Variants in WBP2NL observed in about 807,000 individuals in gnomAD.
The protein encoded by WBP2NL is postacrosomal sheath WW domain-binding protein.
A neutral mutation model predicts 23.3 loss-of-function variants in WBP2NL; 27 were observed. The ratio of observed to expected loss-of-function variants is 1.16; its 90% confidence interval spans 0.85 to 1.60. The LOEUF is 1.60. WBP2NL is among the 40% of genes most tolerant of loss of function. The pLI is 0.00. For missense variants in WBP2NL, 370 were observed against 389.5 expected, an observed-to-expected ratio of 0.95 and a Z score of 0.42; for synonymous variants, 151 against 145.9, an observed-to-expected ratio of 1.03 and a Z score of -0.25.
chr22:41,999,575 A>G (rs1436995577), intron 1 of WBP2NL, among the ~76,000 whole-genome samples: 2 of 152,144 alleles, frequency 1.3e-5, no homozygotes, highest in East Asian at 1.9e-4. Flanking sequence ...TTGAGACAAG[A>G]CTGGGCAACA....
rs746353007 is a variant in WBP2NL, at chr22:42,019,686, A to T, written c.196A>T (p.Ile66Phe). 1 of 1,614,080 alleles carries T rather than the reference A, an allele frequency of 6.2e-7. No individual in the cohort carries two copies. Among genetic ancestry groups the T allele is most frequent in the East Asian group, 2.2e-5 (1 of 44,896 alleles). Residue 66 changes from isoleucine (I) to phenylalanine (F), a missense_variant, in exon 3 of 6, where the codon ATC (isoleucine) becomes TTC (phenylalanine). Physicochemically the swap from Ile to Phe is conservative, Grantham distance 21. Coordinates refer to ENST00000328823, the MANE Select transcript of WBP2NL (RefSeq NM_152613.3). ...YRVIFITSCS[I>F]SDPMLSFMMP... The stretch of plus-strand genomic sequence containing the variant: ...GGTGATTTTCATAACTTCATGCTCC[A>T]TCAGTGATCCCATGTTGTCTTTTAT...
chr22:42,012,646 C>G (rs115172371), intron 1 of WBP2NL, among the ~76,000 whole-genome samples: 2 of 152,058 alleles, frequency 1.3e-5, no homozygotes, highest in African/African-American at 4.8e-5. Context: ...CTTAATTTCT[C>G]TTTAATTTTT....
chr22:42,025,820 A>T (rs937431160), intron 5 of WBP2NL, among the ~76,000 whole-genome samples: 60 of 152,370 alleles, frequency 3.9e-4, no homozygotes, highest in African/African-American at 1.4e-3. Flanking sequence ...GGTAATAAGT[A>T]AAACTCATGT....
downstream of WBP2NL, chr22:42,032,725 A>G (rs143367905): frequency 3.4e-5 from 16 of 469,500 alleles, no homozygotes; most frequent in East Asian, 9.8e-4. Context: ...TGGGGCAGAC[A>G]ACCATGGACT....
At chr22:42,049,856 A>T (rs1216811561) in intron 8 of WBP2NL, among the ~76,000 whole-genome samples, 1 of 151,992 alleles carries the variant, frequency 6.6e-6, no homozygotes, top group Non-Finnish European at 1.5e-5. Context: ...ACATGCCTAT[A>T]ATCCCAGCTA....
chr22:42,017,267 C>T (rs1306294958), intron 1 of WBP2NL, among the ~76,000 whole-genome samples: 1 of 152,190 alleles, frequency 6.6e-6, no homozygotes, highest in East Asian at 1.9e-4. Context: ...AGGCATGTAC[C>T]ACCATGCCTG....
At chr22:42,018,444 T>A (rs551882052) in intron 1 of WBP2NL, among the ~76,000 whole-genome samples, 20 of 109,802 alleles carry the variant, frequency 1.8e-4, no homozygotes, top group East Asian at 5.1e-4. Context: ...AAGAAAGAAG[T>A]GAGGGAAGGA....
chr22:42,029,424 T>G (rs1208687754), downstream of WBP2NL, among the ~76,000 whole-genome samples: 2 of 151,562 alleles, frequency 1.3e-5, no homozygotes, highest in African/African-American at 4.9e-5. Flanking sequence ...CAGGCTGGAG[T>G]GCAGTGGCAC....
At chr22:42,010,949 G>A (rs1312490437) in intron 1 of WBP2NL, among the ~76,000 whole-genome samples, 1 of 152,116 alleles carries the variant, frequency 6.6e-6, no homozygotes, top group African/African-American at 2.4e-5. Context: ...ATTTTCCTAT[G>A]CTGAACCATC....
chr22:42,011,795 CAG>C (rs2098023342), intron 1 of WBP2NL, among the ~76,000 whole-genome samples: 2 of 151,536 alleles, frequency 1.3e-5, no homozygotes. Context: ...GTTTTGGAGA[CAG>C]AGTCTTACTC....
chr22:42,014,388 G>C (rs1923118488), intron 1 of WBP2NL, among the ~76,000 whole-genome samples: 1 of 152,008 alleles, frequency 6.6e-6, no homozygotes, highest in South Asian at 2.1e-4. Context: ...ACCATGCTTG[G>C]CTAATTTTTT....
At chr22:42,042,544 C>A (rs1048690186) in intron 8 of WBP2NL, among the ~76,000 whole-genome samples, 1 of 152,078 alleles carries the variant, frequency 6.6e-6, no homozygotes, top group African/African-American at 2.4e-5. Context: ...TCATTTCATT[C>A]TTGTATTCTT....
chr22:42,040,289 C>A (rs1401383143), intron 8 of WBP2NL, among the ~76,000 whole-genome samples: 1 of 150,922 alleles, frequency 6.6e-6, no homozygotes, highest in Non-Finnish European at 1.5e-5. Context: ...ATGGTGCGAT[C>A]TCAGCTCACT....
chr22:42,057,749 G>A (rs1445789785), intron 8 of WBP2NL, among the ~76,000 whole-genome samples: 1 of 147,716 alleles, frequency 6.8e-6, no homozygotes, highest in Non-Finnish European at 1.5e-5. Flanking sequence ...TGAGACAACT[G>A]GCAAAAACTG....
intron 1 of WBP2NL, 40 bp from the exon 2 acceptor site, chr22:42,019,271 C>A: frequency 6.5e-7 from 1 of 1,535,110 alleles, no homozygotes; most frequent in Non-Finnish European, 8.9e-7. Flanking sequence ...ATTTTACATA[C>A]ATTCTTTATT....
intron 4 of WBP2NL, among the ~76,000 whole-genome samples, chr22:42,021,012 C>T (rs183069935): frequency 2.1e-5 from 3 of 145,248 alleles, no homozygotes; most frequent in South Asian, 2.2e-4. Flanking sequence ...CTCCACCTCC[C>T]GGGTTCAAGT....
chr22:42,040,705 A>G (rs990671783), intron 8 of WBP2NL, among the ~76,000 whole-genome samples: 3 of 151,940 alleles, frequency 2.0e-5, no homozygotes, highest in Admixed American at 1.3e-4. Context: ...GTTTTTATGA[A>G]TTTGTGAATT....
chr22:42,025,030 T>C (rs1924351849), intron 5 of WBP2NL, among the ~76,000 whole-genome samples: 1 of 152,244 alleles, frequency 6.6e-6, no homozygotes, highest in Non-Finnish European at 1.5e-5. Flanking sequence ...CTAGAACTCC[T>C]GAGCTCAAAT....
At chr22:42,035,078 C>T (rs535385936), downstream of WBP2NL, among the ~76,000 whole-genome samples, 66 of 152,356 alleles carry the variant, frequency 4.3e-4, no homozygotes, top group South Asian at 2.1e-4. Flanking sequence ...AGGATATTTA[C>T]TGGGGAAGTG....
Sources: allele counts gnomAD v4.1 joint callset (sites outside exome capture counted in the v4.1 genomes callset), GRCh38; gene constraint gnomAD v4.1.1; transcripts MANE v1.5; gene names NCBI Gene and HGNC (gene_info 2026-07-23, HGNC 2026-07-21).